SLMAP: variants seen among roughly 807,000 people sequenced by gnomAD.
The protein encoded by SLMAP is sarcolemmal membrane-associated protein.
A neutral mutation model predicts 128.8 loss-of-function variants in SLMAP; 44 were observed. The observed-to-expected ratio is 0.34, with a 90% CI of 0.27 to 0.44. SLMAP has a LOEUF of 0.44. SLMAP is among the 20% of genes least tolerant of loss of function. SLMAP has a pLI of 1.00. For synonymous variants in SLMAP, 327 were observed against 348.8 expected (o/e 0.94, Z 0.70); for missense variants, 787 against 985.3 (o/e 0.80, Z 2.69).
At chr3:57,857,129 C>T (rs2094830522) in intron 6 of SLMAP, among the ~76,000 whole-genome samples, 2 of 151,996 alleles carry the variant, frequency 1.3e-5, no homozygotes, top group African/African-American at 4.8e-5. Context: ...ACTTGCTCTT[C>T]CAAATTATGA....
At chr3:57,858,251 C>A in intron 8 of SLMAP, 92 bp downstream of exon 8, 1 of 753,712 alleles carries the variant, frequency 1.3e-6, no homozygotes. Flanking sequence ...ATGCTAAAAA[C>A]TTCATACATT....
chr3:57,821,984 A>T (rs1425804082), intron 2 of SLMAP, among the ~76,000 whole-genome samples: 1 of 151,700 alleles, frequency 6.6e-6, no homozygotes, highest in Non-Finnish European at 1.5e-5. Context: ...CTCACTCATA[A>T]ATGCTTCCTT....
At chr3:57,866,541 C>G (rs2153607749) in intron 13 of SLMAP, among the ~76,000 whole-genome samples, 1 of 152,230 alleles carries the variant, frequency 6.6e-6, no homozygotes, top group Admixed American at 6.5e-5. Context: ...TTAATCATTG[C>G]TGTTTGACTA....
At chr3:57,925,985 G>T in intron 24 of SLMAP, 51 bp downstream of exon 24, 1 of 1,347,170 alleles carries the variant, frequency 7.4e-7, no homozygotes, top group African/African-American at 1.5e-5. Flanking sequence ...TCACCTTTTT[G>T]TGCCATATTT....
intron 10 of SLMAP, among the ~76,000 whole-genome samples, chr3:57,863,068 G>A (rs2095162059): frequency 6.6e-6 from 1 of 152,124 alleles, no homozygotes; most frequent in Non-Finnish European, 1.5e-5. Flanking sequence ...TTATCATTAG[G>A]CCATCTAAAA....
chr3:57,791,065 T>TA, intron 2 of SLMAP, among the ~76,000 whole-genome samples: 1 of 152,132 alleles, frequency 6.6e-6, no homozygotes, highest in East Asian at 1.9e-4. Context: ...GTCTTACTTT[T>TA]AAAAAATTGG....
intron 22 of SLMAP, chr3:57,918,587 C>CT (rs2096857389): frequency 6.6e-6 from 1 of 152,106 alleles, no homozygotes; most frequent in South Asian, 2.1e-4. Context: ...AAATTGCTCT[C>CT]TTTCTGTTTG....
chr3:57,896,161 A>G, intron 15 of SLMAP: 1 of 833,946 alleles, frequency 1.2e-6, no homozygotes, highest in Non-Finnish European at 1.5e-6. Context: ...ATCTTTATAC[A>G]GTGTCTGCAT....
chr3:57,857,217 A>G (rs929282523), intron 6 of SLMAP, among the ~76,000 whole-genome samples: 3 of 152,194 alleles, frequency 2.0e-5, no homozygotes, highest in Admixed American at 2.0e-4. Flanking sequence ...TAATAGCAGT[A>G]CTTTCAGCCC....
At position 57,907,954 on chromosome 3, in the gene SLMAP, C is replaced by T. The variant is rs775234969; in HGVS notation, c.1572C>T (p.Ile524=). The change falls in exon 18 of 25, where the codon ATC becomes ATT. Residue 524 remains isoleucine (I), a synonymous_variant. Coordinates refer to ENST00000671191, the MANE Select transcript of SLMAP (RefSeq NM_001377540.1). ...TACAGCATCTTCGAAAGGAATTGAT[C>T]GAAGCCCAGGAGCTAGCTAGAACAA... ...QEIQHLRKEL[I]EAQELARTSK... 6 of 1,613,776 alleles carry T rather than the reference C, an allele frequency of 3.7e-6. No individual in the cohort carries two copies. The highest frequency in any genetic ancestry group is 3.3e-5 in the South Asian group (3 of 91,058).
At chr3:57,759,440 G>C (rs375214566) in intron 2 of SLMAP, among the ~76,000 whole-genome samples, 5 of 152,212 alleles carry the variant, frequency 3.3e-5, no homozygotes, top group African/African-American at 1.2e-4. Context: ...ACCATGCCTG[G>C]TTAATTTTGT....
chr3:57,865,402 A>G (rs1047815431), intron 13 of SLMAP, 110 bp downstream of exon 13: 9 of 453,884 alleles, frequency 2.0e-5, no homozygotes, highest in Admixed American at 7.8e-5. Context: ...GCATGCTCTC[A>G]CAGATCATTG....
In SLMAP at chr3:57,912,560, A is replaced by C; in HGVS notation, c.1879A>C (p.Lys627Gln). ...CATTGCTTCTTTACAAGAAGAGCTT[A>C]AGAAGGTGAGAGCTGAGCTTGAGCG... The part of the protein sequence containing the change: ...TDIASLQEEL[K>Q]KVRAELERWR... Residue 627 changes from lysine to glutamine, a missense_variant, in exon 20 of 25, where the codon AAG (lysine) becomes CAG (glutamine). Coordinates refer to ENST00000671191, the MANE Select transcript of SLMAP (RefSeq NM_001377540.1). The C allele has an allele frequency of 6.2e-7, 1 of 1,614,162 alleles. No individual in the cohort carries two copies. Among genetic ancestry groups the C allele is most frequent in the Non-Finnish European group, 8.5e-7 (1 of 1,180,004 alleles).
intron 23 of SLMAP, among the ~76,000 whole-genome samples, chr3:57,923,633 A>G (rs951130086): frequency 1.3e-5 from 2 of 152,176 alleles, no homozygotes; most frequent in African/African-American, 4.8e-5. Flanking sequence ...GTTGTGTTGT[A>G]CGTTTTGGTG....
chr3:57,847,673 T>C (rs1368695660), intron 5 of SLMAP, among the ~76,000 whole-genome samples: 1 of 152,222 alleles, frequency 6.6e-6, no homozygotes, highest in African/African-American at 2.4e-5. Context: ...TTACCTGATC[T>C]GATCAGAAAC....
chr3:57,787,899 C>G (rs187431012), intron 2 of SLMAP, among the ~76,000 whole-genome samples: 171 of 152,270 alleles, frequency 1.1e-3, no homozygotes, highest in African/African-American at 3.9e-3. Context: ...CTGGATAATA[C>G]CAATACTAGG....
At chr3:57,771,244 G>A (rs1232627273) in intron 2 of SLMAP, among the ~76,000 whole-genome samples, 2 of 142,410 alleles carry the variant, frequency 1.4e-5, no homozygotes, top group Admixed American at 7.0e-5. Flanking sequence ...AGAGAGAGAG[G>A]GAGAGAGACT....
intron 2 of SLMAP, among the ~76,000 whole-genome samples, chr3:57,771,773 T>C (rs889362707): frequency 2.6e-5 from 4 of 152,214 alleles, no homozygotes; most frequent in African/African-American, 9.7e-5. Context: ...ACTAAGTAAA[T>C]TCTTTTTTGA....
At chr3:57,763,497 A>G (rs954518049) in intron 2 of SLMAP, among the ~76,000 whole-genome samples, 5 of 151,670 alleles carry the variant, frequency 3.3e-5, no homozygotes, top group Non-Finnish European at 5.9e-5. Context: ...CTGGTCTCGA[A>G]CTCCTGAGCT....
Sources: allele counts gnomAD v4.1 joint callset (sites outside exome capture counted in the v4.1 genomes callset), GRCh38; gene constraint gnomAD v4.1.1; transcripts MANE v1.5; gene names NCBI Gene and HGNC (gene_info 2026-07-23, HGNC 2026-07-21).